Variants in KCNMA1 observed in about 807,000 individuals in gnomAD.
KCNMA1 encodes Calcium-activated potassium channel subunit alpha-1.
KCNMA1 carries 29 observed loss-of-function variants against 140.0 expected under a neutral mutation model. The ratio of observed to expected loss-of-function variants is 0.21; its 90% CI spans 0.15 to 0.28. The LOEUF (loss-of-function observed/expected upper bound fraction) is 0.28, where lower values mean the gene tolerates loss of function less well. KCNMA1 is among the 10% of genes least tolerant of loss of function. KCNMA1 has a pLI of 1.00. For synonymous variants in KCNMA1, 612 were observed against 611.9 expected (o/e 1.00, Z 0.00); for missense variants, 880 against 1,602.2 (o/e 0.55, Z 7.70).
chr10:76,957,690 A>C (rs2068942656), intron 20 of KCNMA1, among the ~76,000 whole-genome samples: 2 of 152,172 alleles, frequency 1.3e-5, no homozygotes, highest in South Asian at 4.1e-4. Flanking sequence ...TTTTGAAAGT[A>C]CTGGACCATT....
chr10:76,928,271 AC>A (rs2058290479), intron 23 of KCNMA1, among the ~76,000 whole-genome samples: 1 of 141,504 alleles, frequency 7.1e-6, no homozygotes, highest in African/African-American at 2.6e-5. Context: ...ACACACACAC[AC>A]ACACGAACAC....
chr10:77,382,883 AAAATATAT>A (rs2095447618), intron 2 of KCNMA1, among the ~76,000 whole-genome samples: 1 of 114,604 alleles, frequency 8.7e-6, no homozygotes, highest in Non-Finnish European at 1.8e-5. Flanking sequence ...AAAAAAAAAA[AAAATATAT>A]ATATATATAT....
chr10:77,338,586 C>T (rs1393991685), intron 2 of KCNMA1, among the ~76,000 whole-genome samples: 1 of 152,192 alleles, frequency 6.6e-6, no homozygotes, highest in African/African-American at 2.4e-5. Context: ...ACCCCATCTC[C>T]TCCAGGGAGG....
intron 1 of KCNMA1, among the ~76,000 whole-genome samples, chr10:77,436,648 A>G (rs2097267651): frequency 6.6e-6 from 1 of 152,226 alleles, no homozygotes; most frequent in African/African-American, 2.4e-5. Context: ...AAGGTCACAC[A>G]GGTACTACAG....
At chr10:77,531,541 C>T (rs1299849170) in intron 1 of KCNMA1, among the ~76,000 whole-genome samples, 1 of 152,192 alleles carries the variant, frequency 6.6e-6, no homozygotes, top group Non-Finnish European at 1.5e-5. Context: ...CCTGCCAGCG[C>T]TCCTGCAAAT....
intron 1 of KCNMA1, among the ~76,000 whole-genome samples, chr10:77,607,890 G>A (rs1009014897): frequency 6.6e-6 from 1 of 152,156 alleles, no homozygotes; most frequent in Admixed American, 6.5e-5. Flanking sequence ...CCACTCGAGA[G>A]GTCCCTTCTC....
chr10:77,294,118 A>G (rs1354382854), intron 2 of KCNMA1, among the ~76,000 whole-genome samples: 2 of 152,254 alleles, frequency 1.3e-5, no homozygotes, highest in Non-Finnish European at 2.9e-5. Context: ...AAAAGAAATC[A>G]GAGGTTTTCA....
At position 77,582,214 on chromosome 10, in the gene KCNMA1, TG is replaced by T. The variant is rs537674699; in HGVS notation, c.378+55050del. 8.5e-4 allele frequency among the ~76,000 whole-genome samples: 129 copies of T among 152,362 alleles called. 3 individuals are homozygous for T. In the South Asian group the frequency reaches 0.026, roughly 30 times the overall value. On this transcript the variant is annotated intron_variant, in intron 1 of 27. Coordinates refer to ENST00000286628, the MANE Select transcript of KCNMA1 (RefSeq NM_001161352.2). ...GCTCAGGCTCTGGAGCTGGTCTGCCTGGGCTTGAATCCTAGCTCTGATGCTC... is the reference window on the plus strand; with the variant it reads ...GCTCAGGCTCTGGAGCTGGTCTGCCTGGCTTGAATCCTAGCTCTGATGCTC...
chr10:77,254,508 C>T (rs10824507), intron 2 of KCNMA1, among the ~76,000 whole-genome samples: 4,360 of 152,206 alleles, frequency 0.029, 216 homozygotes, highest in East Asian at 0.22. Context: ...CAGGCATGAG[C>T]CACTGCACCT....
At chr10:77,398,497 C>A (rs2096146312) in intron 2 of KCNMA1, among the ~76,000 whole-genome samples, 1 of 152,184 alleles carries the variant, frequency 6.6e-6, no homozygotes, top group African/African-American at 2.4e-5. Flanking sequence ...CGTATGTCTT[C>A]TTTTGAAAAA....
At chr10:77,136,873 G>A (rs1020695942) in intron 5 of KCNMA1, among the ~76,000 whole-genome samples, 3 of 152,008 alleles carry the variant, frequency 2.0e-5, no homozygotes, top group Non-Finnish European at 4.4e-5. Flanking sequence ...TCCTGGCTCC[G>A]AGCCCTGTAC....
chr10:77,208,016 C>T (rs967821271), intron 3 of KCNMA1, among the ~76,000 whole-genome samples: 1 of 152,218 alleles, frequency 6.6e-6, no homozygotes, highest in Non-Finnish European at 1.5e-5. Flanking sequence ...TTCTTTTGTC[C>T]TCATTTGGAA....
intron 19 of KCNMA1, among the ~76,000 whole-genome samples, chr10:76,979,175 C>A (rs958973811): frequency 1.3e-5 from 2 of 152,178 alleles, no homozygotes; most frequent in African/African-American, 2.4e-5. Flanking sequence ...TTGATCACTT[C>A]ATGCTGTTTG....
intron 1 of KCNMA1, among the ~76,000 whole-genome samples, chr10:77,483,410 G>A (rs966229077): frequency 3.9e-5 from 6 of 152,172 alleles, no homozygotes; most frequent in African/African-American, 1.4e-4. Context: ...GGTGACACAG[G>A]CTCTCACTTC....
chr10:77,475,492 T>C (rs2098259849), intron 1 of KCNMA1, among the ~76,000 whole-genome samples: 1 of 152,170 alleles, frequency 6.6e-6, no homozygotes, highest in South Asian at 2.1e-4. Context: ...TACACACGCT[T>C]AGTGGTCTGC....
chr10:76,884,868 A>G (rs201432645), downstream of KCNMA1: 2 of 1,361,154 alleles, frequency 1.5e-6, no homozygotes, highest in Non-Finnish European at 1.9e-6. Context: ...AAACAAACCA[A>G]TAACAGAATA....
chr10:77,350,078 T>C (rs2092691299), intron 2 of KCNMA1, among the ~76,000 whole-genome samples: 3 of 152,116 alleles, frequency 2.0e-5, no homozygotes, highest in Admixed American at 1.3e-4. Context: ...TTTGTATTTT[T>C]AATAGAGATG....
At chr10:77,115,825 T>A (rs2097448703) in intron 6 of KCNMA1, among the ~76,000 whole-genome samples, 1 of 152,188 alleles carries the variant, frequency 6.6e-6, no homozygotes, top group South Asian at 2.1e-4. Flanking sequence ...TTATCACAGA[T>A]CCCTAGGTTT....
At chr10:77,323,470 G>A (rs1028696079) in intron 2 of KCNMA1, among the ~76,000 whole-genome samples, 1 of 152,116 alleles carries the variant, frequency 6.6e-6, no homozygotes, top group Non-Finnish European at 1.5e-5. Flanking sequence ...GCCAGCTTGG[G>A]AACCCAGTTG....
Sources: allele counts gnomAD v4.1 joint callset (sites outside exome capture counted in the v4.1 genomes callset), GRCh38; gene constraint gnomAD v4.1.1; transcripts MANE v1.5; gene names NCBI Gene and HGNC (gene_info 2026-07-23, HGNC 2026-07-21).